RGS6: variants seen among roughly 807,000 people sequenced by gnomAD.
RGS6 encodes the protein regulator of G-protein signaling 6.
A neutral mutation model predicts 78.5 loss-of-function variants in RGS6; 30 were observed. The ratio of observed to expected loss-of-function variants is 0.38; its 90% CI spans 0.29 to 0.52. The LOEUF (loss-of-function observed/expected upper bound fraction) is 0.52. Among genes scored for constraint, RGS6 ranks in the 20% least tolerant of loss-of-function variants. The pLI is 0.85. For synonymous variants in RGS6, 206 were observed against 206.0 expected, an observed-to-expected ratio of 1.00 and a Z score of 0.00; for missense variants, 495 against 609.7, an observed-to-expected ratio of 0.81 and a Z score of 1.98.
At chr14:72,281,180 G>A (rs1024250001) in intron 2 of RGS6, among the ~76,000 whole-genome samples, 6 of 129,254 alleles carry the variant, frequency 4.6e-5, no homozygotes, top group African/African-American at 6.3e-5. Flanking sequence ...ACATAGTCTC[G>A]CTCTGTCATC....
chr14:72,125,568 C>G (rs2096169512), intron 2 of RGS6, among the ~76,000 whole-genome samples: 1 of 152,028 alleles, frequency 6.6e-6, no homozygotes, highest in Non-Finnish European at 1.5e-5. Context: ...GAGAATAGAT[C>G]TCAAATCTGC....
chr14:72,302,623 G>A (rs775618462), intron 2 of RGS6, among the ~76,000 whole-genome samples: 6 of 151,994 alleles, frequency 3.9e-5, no homozygotes, highest in East Asian at 3.9e-4. Flanking sequence ...CAAGCAATCA[G>A]AATTTGAAAA....
At chr14:72,607,750 C>T in the RGS6 span, among the ~76,000 whole-genome samples, 1 of 152,232 alleles carries the variant, frequency 6.6e-6, no homozygotes, top group Non-Finnish European at 1.5e-5. Context: ...CCAGCTGTCA[C>T]TTGAAACTGC....
chr14:72,429,782 C>T (rs2094555609), intron 3 of RGS6, among the ~76,000 whole-genome samples: 1 of 152,172 alleles, frequency 6.6e-6, no homozygotes, highest in South Asian at 2.1e-4. Context: ...CAAATCTCAT[C>T]TTGGCTTATA....
intron 3 of RGS6, among the ~76,000 whole-genome samples, chr14:72,364,593 C>A (rs552743992): frequency 6.6e-6 from 1 of 152,352 alleles, no homozygotes; most frequent in South Asian, 2.1e-4. Context: ...TTTCTCTTCT[C>A]TATTGGGACC....
At chr14:71,933,353 A>C (rs1360314049) in intron 1 of RGS6, 2 of 152,060 alleles carry the variant, frequency 1.3e-5, no homozygotes, top group African/African-American at 4.8e-5. Context: ...TTCCCTGAAC[A>C]AGCTCGCCCA....
the RGS6 span, among the ~76,000 whole-genome samples, chr14:72,616,357 A>C: frequency 6.6e-6 from 1 of 152,158 alleles, no homozygotes. Flanking sequence ...CCTTCATTTT[A>C]AAGTCCCCAA....
At chr14:71,945,123 C>T (rs1694794337) in intron 1 of RGS6, among the ~76,000 whole-genome samples, 1 of 152,112 alleles carries the variant, frequency 6.6e-6, no homozygotes, top group African/African-American at 2.4e-5. Context: ...ATATAAACTC[C>T]TTATAGTTAA....
In RGS6 at chr14:71,964,853, C is replaced by A. The variant is rs1266120888; in HGVS notation, c.62C>A (p.Pro21Gln). The change falls in exon 2 of 18, where the codon CCA becomes CAA. Residue 21 changes from proline to glutamine, a missense_variant. Physicochemically the swap from Pro to Gln is moderately conservative, Grantham distance 76. Transcript: ENST00000553525. ...VGVADPEESS[P>Q]NMIVYCKIED... is the part of the protein sequence containing the mutation. The stretch of plus-strand genomic sequence containing the variant: ...GTTGCTGACCCAGAGGAGAGTTCTC[C>A]AAACATGATCGTTTACTGCAAAGTA... The A allele has an allele frequency of 6.2e-7, 1 of 1,613,684 alleles. No individual in the cohort carries two copies. Among genetic ancestry groups the A allele is most frequent in the Non-Finnish European group, 8.5e-7 (1 of 1,179,854 alleles).
At chr14:71,873,788 G>A in the RGS6 span, among the ~76,000 whole-genome samples, 17 of 152,310 alleles carry the variant, frequency 1.1e-4, no homozygotes, top group African/African-American at 2.6e-4. Flanking sequence ...TGACAATTAA[G>A]TCTTTAATCC....
chr14:72,317,197 G>A (rs2070531902), intron 2 of RGS6, among the ~76,000 whole-genome samples: 2 of 151,926 alleles, frequency 1.3e-5, no homozygotes, highest in South Asian at 4.2e-4. Context: ...AGGGGCATTT[G>A]GCACAGGATC....
chr14:72,219,279 G>A (rs951887273), intron 2 of RGS6, among the ~76,000 whole-genome samples: 1 of 152,070 alleles, frequency 6.6e-6, no homozygotes, highest in Non-Finnish European at 1.5e-5. Context: ...ACAAGTATTG[G>A]CTTTGGGGTT....
chr14:72,459,586 C>T (rs1252946406), intron 5 of RGS6, 46 bp from the exon 6 acceptor site: 1 of 1,605,518 alleles, frequency 6.2e-7, no homozygotes, highest in Middle Eastern at 1.7e-4. Flanking sequence ...GAGGGAAGCG[C>T]AGGCATGGCG....
intron 3 of RGS6, among the ~76,000 whole-genome samples, chr14:72,425,068 A>G (rs1298401983): frequency 6.6e-6 from 1 of 152,238 alleles, no homozygotes; most frequent in Admixed American, 6.5e-5. Flanking sequence ...ATCCCTTAAA[A>G]AGTCTCGGCA....
At chr14:72,385,621 C>T (rs1357813473) in intron 3 of RGS6, among the ~76,000 whole-genome samples, 1 of 152,128 alleles carries the variant, frequency 6.6e-6, no homozygotes, top group Non-Finnish European at 1.5e-5. Flanking sequence ...GAGGGTGAGA[C>T]TAAGGAAGCT....
chr14:72,384,363 T>C (rs538211834), intron 3 of RGS6, among the ~76,000 whole-genome samples: 4 of 152,226 alleles, frequency 2.6e-5, no homozygotes, highest in Non-Finnish European at 4.4e-5. Flanking sequence ...AGTCCACACA[T>C]GAGAATAGTT....
At chr14:71,944,327 G>C (rs894203432) in intron 1 of RGS6, among the ~76,000 whole-genome samples, 1 of 152,174 alleles carries the variant, frequency 6.6e-6, no homozygotes, top group African/African-American at 2.4e-5. Context: ...TGAGGAAACC[G>C]AGTGGAAACG....
chr14:72,348,608 T>C (rs1425346222), intron 2 of RGS6, among the ~76,000 whole-genome samples: 2 of 152,206 alleles, frequency 1.3e-5, no homozygotes, highest in African/African-American at 2.4e-5. Flanking sequence ...CAAAAATTTG[T>C]CTGACACAAC....
At chr14:72,360,270 C>T (rs1258573884) in intron 3 of RGS6, among the ~76,000 whole-genome samples, 3 of 151,708 alleles carry the variant, frequency 2.0e-5, no homozygotes, top group African/African-American at 7.3e-5. Flanking sequence ...GCCTCTAATC[C>T]CAGCACTTTG....
Sources: gnomAD v4.1 joint callset for allele counts (sites outside exome capture counted in the v4.1 genomes callset) on GRCh38, gnomAD v4.1.1 for gene constraint, MANE v1.5 for transcripts, NCBI Gene and HGNC (gene_info 2026-07-23, HGNC 2026-07-21) for gene names.